CAPN7: variants seen among roughly 807,000 people sequenced by gnomAD.
The protein encoded by CAPN7 is calpain 7, also known as calpain-7.
CAPN7 carries 72 observed loss-of-function variants against 115.2 expected under a neutral mutation model. That is an observed-to-expected ratio of 0.63 (90% CI 0.52 to 0.76). The LOEUF is 0.76. Among genes scored for constraint, CAPN7 ranks in the 30% least tolerant of loss-of-function variants. The pLI, the probability that CAPN7 is intolerant of heterozygous loss-of-function variation, is 0.00. For missense variants in CAPN7, 905 were observed against 971.5 expected (o/e 0.93, Z 0.91); for synonymous variants, 344 against 322.3 (o/e 1.07, Z -0.72).
chr3:15,232,501 A>C lies in CAPN7; in HGVS notation c.1033-18A>C. The stretch of plus-strand genomic sequence containing the variant: ...GATATTTTGTGCACCTAAGAAGGTT[A>C]ATGTTCTCTTTCTCCAGGTGATAAT... On this transcript the variant is annotated intron_variant, in intron 9 of 20. Coordinates refer to ENST00000253693, the MANE Select transcript of CAPN7 (RefSeq NM_014296.3). 6.3e-7 allele frequency: 1 copy of C among 1,587,390 alleles called. No homozygotes were observed. The highest frequency in any genetic ancestry group is 8.6e-7 in the Non-Finnish European group (1 of 1,168,742).
At chr3:15,212,283 G>C (rs2045001774) in intron 2 of CAPN7, 71 bp downstream of exon 2, 1 of 787,022 alleles carries the variant, frequency 1.3e-6, no homozygotes, top group Admixed American at 2.7e-5. Flanking sequence ...CCCCATGTTT[G>C]TTTCTCTTCT....
chr3:15,207,526 A>G (rs1310992922), intron 1 of CAPN7, among the ~76,000 whole-genome samples: 1 of 152,152 alleles, frequency 6.6e-6, no homozygotes, highest in African/African-American at 2.4e-5. Context: ...CTTTTACTTT[A>G]TAAACTTCTA....
chr3:15,216,313 T>C (rs1177696108), intron 2 of CAPN7, among the ~76,000 whole-genome samples: 1 of 152,242 alleles, frequency 6.6e-6, no homozygotes, highest in Non-Finnish European at 1.5e-5. Flanking sequence ...ATTGTCTTTC[T>C]GATTTTAGCC....
Position 15,228,963 on chromosome 3 carries a change from CTTA to C in CAPN7, c.853-7_853-5del, listed in dbSNP as rs1559398288. On this transcript the variant is annotated splice_region_variant and splice_polypyrimidine_tract_variant and intron_variant, in intron 7 of 20. Transcript: ENST00000253693. ...AATGAATATGAATATGTTAATTATT[CTTA>C]TTAACAGACAATAGTATCGGATTGC... 6.3e-7 allele frequency: 1 copy of C among 1,579,268 alleles called. No homozygotes were observed. The highest frequency in any genetic ancestry group is 8.7e-7 in the Non-Finnish European group (1 of 1,150,324).
intron 2 of CAPN7, 89 bp from the exon 3 acceptor site, chr3:15,217,336 G>T: frequency 8.7e-7 from 1 of 1,144,992 alleles, no homozygotes; most frequent in Non-Finnish European, 1.2e-6. Context: ...ACAGGGTTTT[G>T]GTAAAAAATG....
At chr3:15,244,053 G>A (rs911396157) in intron 16 of CAPN7, among the ~76,000 whole-genome samples, 14 of 152,320 alleles carry the variant, frequency 9.2e-5, no homozygotes, top group African/African-American at 3.4e-4. Flanking sequence ...AGTTGGATTG[G>A]TTTTAAAAGA....
chr3:15,237,771 A>G (rs1446324605), intron 12 of CAPN7, among the ~76,000 whole-genome samples: 2 of 151,992 alleles, frequency 1.3e-5, no homozygotes, highest in African/African-American at 4.8e-5. Flanking sequence ...CGAGTTCAAG[A>G]CCAGCCTGAG....
intron 16 of CAPN7, among the ~76,000 whole-genome samples, chr3:15,244,944 T>A (rs938882294): frequency 1.3e-5 from 2 of 152,112 alleles, no homozygotes; most frequent in African/African-American, 2.4e-5. Context: ...CTATTTTTTT[T>A]AATATATACA....
intron 9 of CAPN7, 88 bp from the exon 10 acceptor site, chr3:15,232,431 C>A: frequency 1.0e-6 from 1 of 990,046 alleles, no homozygotes; most frequent in South Asian, 1.8e-5. Context: ...TATATTTTAT[C>A]AGTATGAAAG....
intron 1 of CAPN7, among the ~76,000 whole-genome samples, chr3:15,207,636 T>A (rs1162363729): frequency 2.0e-5 from 3 of 150,002 alleles, no homozygotes. Context: ...TAAGTTTTTT[T>A]GTTTCTTTTT....
At chr3:15,235,202 T>TC in intron 12 of CAPN7, 57 bp downstream of exon 12, 1 of 1,469,668 alleles carries the variant, frequency 6.8e-7, no homozygotes. Flanking sequence ...ATTTCAGGGA[T>TC]CCCAGATAAT....
At chr3:15,240,986 G>T (rs1695310006) in intron 14 of CAPN7, 133 bp downstream of exon 14, 2 of 568,924 alleles carry the variant, frequency 3.5e-6, no homozygotes, top group African/African-American at 1.9e-5. Flanking sequence ...GGGTGGATCA[G>T]TTGACCTCAG....
Position 15,217,406 on chromosome 3 carries a change from AT to A in CAPN7, c.212-10del, listed in dbSNP as rs577905388. 1,021 of 1,537,480 alleles carry A rather than the reference AT, an allele frequency of 6.6e-4. 3 individuals carry two copies. The African/African-American group carries it at 0.01, about 15-fold the overall frequency. ...TATTTAGATAATACTCCTTCTGCGTATTTTTTTTTCTATCCTAGTTCAGTCA... is the reference window on the plus strand; with the variant it reads ...TATTTAGATAATACTCCTTCTGCGTATTTTTTTTCTATCCTAGTTCAGTCA... On this transcript the variant is annotated intron_variant, in intron 2 of 20. Coordinates refer to ENST00000253693, the MANE Select transcript of CAPN7 (RefSeq NM_014296.3).
rs780501971 is a variant in CAPN7, at chr3:15,240,469, A to G, written c.1408-4A>G. ...ATGTTATCTCCTGTTTCTTTTTTAT[A>G]TAGGGGCTGCGATTTATCCAGTTGA... On this transcript the variant is annotated splice_polypyrimidine_tract_variant and splice_region_variant and intron_variant, in intron 12 of 20. Transcript: ENST00000253693. 18 of 1,607,438 alleles carry G rather than the reference A, an allele frequency of 1.1e-5. No homozygotes were observed. In the Admixed American group the frequency reaches 1.9e-4, roughly 17 times the overall value.
chr3:15,223,321 T>C (rs1372358796), intron 5 of CAPN7, among the ~76,000 whole-genome samples, 154 bp from the exon 6 acceptor site: 3 of 152,228 alleles, frequency 2.0e-5, no homozygotes, highest in Non-Finnish European at 4.4e-5. Context: ...AATTATTTTA[T>C]GAAAATATTG....
rs1310505018 is a variant in CAPN7 at position 15,251,850 on chromosome 3, A to G, written c.*590A>G. 1 of 152,216 alleles carries G rather than the reference A, an allele frequency of 6.6e-6. No homozygotes were observed. Among genetic ancestry groups the G allele is most frequent in the African/African-American group, 2.4e-5 (1 of 41,466 alleles). The allele number at this position is 152,216 out of a possible 1,614,324, so 9.4% of individuals were successfully genotyped here. On this transcript the variant is annotated 3_prime_UTR_variant, in exon 21 of 21. Transcript: ENST00000253693. ...AGAATAAAGCTTTTAAGTATAGACT[A>G]CCTTAGCATGAAGATGCTCATGCCT...
At chr3:15,222,834 G>A (rs182818905) in intron 5 of CAPN7, among the ~76,000 whole-genome samples, 1 of 152,166 alleles carries the variant, frequency 6.6e-6, no homozygotes, top group Admixed American at 6.5e-5. Flanking sequence ...ACTATATTAA[G>A]TAGTCCTCAG....
At chr3:15,232,913 A>G (rs1694777371) in intron 10 of CAPN7, among the ~76,000 whole-genome samples, 1 of 152,192 alleles carries the variant, frequency 6.6e-6, no homozygotes, top group Non-Finnish European at 1.5e-5. Flanking sequence ...ACATTTCCAG[A>G]GCAGTCTGTT....
Position 15,241,447 on chromosome 3 carries a change from T to C in CAPN7, c.1653-6T>C, listed in dbSNP as rs768234333. On this transcript the variant is annotated splice_region_variant and splice_polypyrimidine_tract_variant and intron_variant, in intron 14 of 20. Coordinates refer to ENST00000253693, the MANE Select transcript of CAPN7 (RefSeq NM_014296.3). Reference sequence around the variant, plus strand: ...TACAACCTTCTTTGTTGACTTTATCTTTTAGTACTTGGGATGCTAAGCAAG... The same window carrying C: ...TACAACCTTCTTTGTTGACTTTATCCTTTAGTACTTGGGATGCTAAGCAAG... The C allele has an allele frequency of 8.1e-6, 13 of 1,612,618 alleles. No homozygotes were observed. The highest frequency in any genetic ancestry group is 1.1e-5 in the Non-Finnish European group (13 of 1,179,256).
Sources: allele counts gnomAD v4.1 joint callset (sites outside exome capture counted in the v4.1 genomes callset), GRCh38; gene constraint gnomAD v4.1.1; transcripts MANE v1.5; gene names NCBI Gene and HGNC (gene_info 2026-07-23, HGNC 2026-07-21).